The following GRIK4 variants were observed in gnomAD, a reference collection of about 807,000 sequenced individuals.
GRIK4 encodes glutamate ionotropic receptor kainate type subunit 4, also known as glutamate receptor ionotropic, kainate 4.
In GRIK4, 40 loss-of-function variants were observed where a neutral mutation model predicts 104.9. The observed-to-expected ratio is 0.38, with a 90% CI of 0.30 to 0.50. The LOEUF is 0.50. GRIK4 is among the 20% of genes least tolerant of loss of function. GRIK4 has a pLI of 0.93. For synonymous variants in GRIK4, 485 were observed against 524.9 expected (o/e 0.92, Z 1.04); for missense variants, 1,047 against 1,308.1 (o/e 0.80, Z 3.08).
At position 120,956,814 on chromosome 11, in the gene GRIK4, T is replaced by A; in HGVS notation, c.1735T>A (p.Cys579Ser). 1 of 1,613,294 alleles carries A rather than the reference T, an allele frequency of 6.2e-7. No homozygotes were observed. Among genetic ancestry groups the A allele is most frequent in the South Asian group, 1.1e-5 (1 of 90,922 alleles). The change falls in exon 16 of 21, where the codon TGT becomes AGT. Residue 579 changes from cysteine (C) to serine (S), a missense_variant. Coordinates refer to ENST00000527524, the MANE Select transcript of GRIK4 (RefSeq NM_014619.5). This position sits in a 1 kb window ranked among gnomAD's most constrained non-coding sequence, Gnocchi z 4.6. The stretch of plus-strand genomic sequence containing the variant: ...CTACGAGTGGTACAGCCCACACCCA[T>A]GTGCCCAGGGCCGGTGCAACCTCCT... ...TPYEWYSPHP[C>S]AQGRCNLLVN...
chr11:120,884,960 T>C (rs575972480), intron 11 of GRIK4, among the ~76,000 whole-genome samples: 4 of 152,378 alleles, frequency 2.6e-5, no homozygotes, highest in African/African-American at 7.2e-5. Context: ...AGTAACCGGC[T>C]TCCTTCCACC....
At chr11:120,918,920 C>A (rs2134559606) in intron 13 of GRIK4, among the ~76,000 whole-genome samples, 1 of 152,308 alleles carries the variant, frequency 6.6e-6, no homozygotes, top group African/African-American at 2.4e-5. Context: ...CTCCACATAA[C>A]AATCTTACGT....
chr11:120,976,151 A>G (rs571882905), intron 19 of GRIK4, among the ~76,000 whole-genome samples: 7 of 152,264 alleles, frequency 4.6e-5, no homozygotes, highest in African/African-American at 1.2e-4. Flanking sequence ...GGCCTTCTCT[A>G]TGGTGTTTTT....
chr11:120,911,893 A>T (rs1240157121), intron 13 of GRIK4, among the ~76,000 whole-genome samples: 1 of 151,962 alleles, frequency 6.6e-6, no homozygotes, highest in Non-Finnish European at 1.5e-5. Context: ...ACGGAGGTAG[A>T]CATGCTTTTT....
At chr11:120,844,279 G>A (rs1042890786) in intron 8 of GRIK4, among the ~76,000 whole-genome samples, 1 of 152,046 alleles carries the variant, frequency 6.6e-6, no homozygotes, top group Non-Finnish European at 1.5e-5. Flanking sequence ...CTTCCCCAAG[G>A]AAGTCTCCCC....
At chr11:120,745,673 G>T (rs754011174) in intron 3 of GRIK4, among the ~76,000 whole-genome samples, 1 of 152,178 alleles carries the variant, frequency 6.6e-6, no homozygotes, top group Non-Finnish European at 1.5e-5. Flanking sequence ...ATTCAACAAC[G>T]TTTGTCCTCT....
chr11:120,552,832 T>C (rs1176979761), intron 1 of GRIK4, among the ~76,000 whole-genome samples: 1 of 151,958 alleles, frequency 6.6e-6, no homozygotes, highest in African/African-American at 2.4e-5. Flanking sequence ...AAACCCTGTC[T>C]CTACTAAAAA....
At chr11:120,924,633 T>C (rs2850809) in intron 13 of GRIK4, among the ~76,000 whole-genome samples, 70,318 of 151,798 alleles carry the variant, frequency 0.46, 17,779 homozygotes, top group Non-Finnish European at 0.57. Context: ...AAGGTAACCA[T>C]TATTCCAAAT....
intron 1 of GRIK4, among the ~76,000 whole-genome samples, chr11:120,529,355 G>A (rs114784798): frequency 0.032 from 4,849 of 152,310 alleles, 279 homozygotes; most frequent in African/African-American, 0.11. Flanking sequence ...ACCAAAGAGA[G>A]GAGCAAGCCC....
chr11:120,966,103 T>C (rs1339087592), intron 18 of GRIK4, among the ~76,000 whole-genome samples: 1 of 152,196 alleles, frequency 6.6e-6, no homozygotes, highest in Non-Finnish European at 1.5e-5. Flanking sequence ...CAAAGCTCCT[T>C]GACAAAATCG....
At chr11:120,747,056 G>T (rs980610526) in intron 3 of GRIK4, among the ~76,000 whole-genome samples, 2 of 152,176 alleles carry the variant, frequency 1.3e-5, no homozygotes, top group Non-Finnish European at 2.9e-5. Flanking sequence ...TCAGTAATTG[G>T]TAGCTCTGTG....
intron 3 of GRIK4, among the ~76,000 whole-genome samples, chr11:120,751,199 A>T (rs747616743): frequency 2.3e-4 from 35 of 152,176 alleles, no homozygotes; most frequent in Non-Finnish European, 3.8e-4. Flanking sequence ...CTCTGTGGTC[A>T]GCTCAGAACC....
chr11:120,798,086 C>CTGG (rs1952553911), intron 3 of GRIK4, among the ~76,000 whole-genome samples: 1 of 151,206 alleles, frequency 6.6e-6, no homozygotes. Context: ...GACCCTTTCC[C>CTGG]TGGTTTGCAG....
chr11:120,875,321 C>A, intron 11 of GRIK4, 78 bp downstream of exon 11: 1 of 906,844 alleles, frequency 1.1e-6, no homozygotes, highest in Non-Finnish European at 1.8e-6. Context: ...TTTTGGATGG[C>A]CTCCTGCTCC....
intron 3 of GRIK4, among the ~76,000 whole-genome samples, chr11:120,711,261 T>C (rs1207600361): frequency 1.3e-5 from 2 of 152,154 alleles, no homozygotes; most frequent in East Asian, 1.9e-4. Flanking sequence ...GAGAGTAGAA[T>C]GAGCATTTCA....
chr11:120,660,372 CG>C lies in GRIK4; in HGVS notation c.55del (p.Ala19ProfsTer7). ...VLLPAWLVMVACSPHSLRIAA... is the reference protein window; with the variant it reads ...VLLPAWLVMVXCSPHSLRIAA... ...TGCTTCCTGCGTGGCTCGTGATGGT[CG>C]CCTGCAGCCCGCACTCCTTGAGGAT... is the stretch of plus-strand genomic sequence containing the variant. On this transcript the variant is annotated frameshift_variant, in exon 3 of 21. Transcript: ENST00000527524. LOFTEE classifies it high-confidence loss of function. The C allele has an allele frequency of 6.2e-7, 1 of 1,613,090 alleles. No individual in the cohort carries two copies. The highest frequency in any genetic ancestry group is 8.5e-7 in the Non-Finnish European group (1 of 1,179,900).
chr11:120,981,980 A>G, intron 19 of GRIK4, 126 bp from the exon 20 acceptor site: 1 of 704,918 alleles, frequency 1.4e-6, no homozygotes, highest in East Asian at 2.5e-5. Context: ...AAGTAGATGC[A>G]TGGGTGTCTA....
intron 10 of GRIK4, 42 bp from the exon 11 acceptor site, chr11:120,875,097 C>G (rs777616874): frequency 2.3e-5 from 29 of 1,273,386 alleles, no homozygotes; most frequent in Non-Finnish European, 3.3e-5. Flanking sequence ...CAAGTGTAAC[C>G]TGGGGCCTGT....
In GRIK4 at chr11:120,752,054, C is replaced by T. The variant is rs35173528; in HGVS notation, c.83-50639C>T. Among the ~76,000 whole-genome samples the T allele has an allele frequency of 4.9e-3, 753 of 152,236 alleles. 11 individuals carry two copies. Among genetic ancestry groups the T allele is most frequent in the African/African-American group, 0.016 (664 of 41,540 alleles). On this transcript the variant is annotated intron_variant, in intron 3 of 20. Transcript: ENST00000527524. ...TGCAGGGTGACAGGGCAGCTGTGCA[C>T]CCCACCAAGCCCTGACCAGCATCCT...
Sources: allele counts gnomAD v4.1 joint callset (sites outside exome capture counted in the v4.1 genomes callset), GRCh38; gene constraint gnomAD v4.1.1; non-coding constraint Gnocchi (gnomAD v3.1); transcripts MANE v1.5; gene names NCBI Gene and HGNC (gene_info 2026-07-23, HGNC 2026-07-21).